GLI2: variants seen among roughly 807,000 people sequenced by gnomAD.
The protein encoded by GLI2 is transcription activator GLI2.
GLI2 carries 22 observed loss-of-function variants against 78.9 expected under a neutral mutation model. The observed-to-expected ratio is 0.28, with a 90% confidence interval of 0.20 to 0.40. The LOEUF is 0.40. Ranked by LOEUF, GLI2 falls within the 10% of genes least tolerant of loss-of-function variation. GLI2 has a pLI of 1.00. For missense variants in GLI2, 2,097 were observed against 2,213.2 expected, an observed-to-expected ratio of 0.95 and a Z score of 1.05; for synonymous variants, 974 against 963.7, an observed-to-expected ratio of 1.01 and a Z score of -0.20.
At chr2:120,964,668 G>A (rs1351363381) in intron 5 of GLI2, among the ~76,000 whole-genome samples, 2 of 152,260 alleles carry the variant, frequency 1.3e-5, no homozygotes, top group African/African-American at 2.4e-5. Flanking sequence ...CAGGCACAGG[G>A]CAGGAGTGTG....
chr2:120,767,516 A>G (rs1683399798), intron 1 of GLI2, among the ~76,000 whole-genome samples: 1 of 152,224 alleles, frequency 6.6e-6, no homozygotes, highest in African/African-American at 2.4e-5. Flanking sequence ...ATTAAGTCGC[A>G]TCTCCATCAG....
intron 2 of GLI2, among the ~76,000 whole-genome samples, chr2:120,892,848 G>T (rs1324479512): frequency 1.3e-5 from 2 of 152,182 alleles, no homozygotes; most frequent in African/African-American, 4.8e-5. Context: ...TCTTCCTGAT[G>T]TCCTCAGCTG....
rs546126664 is a variant in GLI2 at position 120,858,536 on chromosome 2, C to T, written c.148+61068C>T. Among the ~76,000 whole-genome samples, 34 of 152,300 alleles carry T rather than the reference C, an allele frequency of 2.2e-4. No homozygotes were observed. In the East Asian group the frequency reaches 5.4e-3, roughly 24 times the overall value. ...TGTCCTGTCTCATCCTCTTGGCCAC[C>T]GGCCTGCTAGTCCCCTGGGCAGGAT... is the stretch of plus-strand genomic sequence containing the variant. On this transcript the variant is annotated intron_variant, in intron 2 of 13. Transcript: ENST00000361492.
chr2:120,885,324 G>T (rs6719663), intron 2 of GLI2, among the ~76,000 whole-genome samples: 2,500 of 152,328 alleles, frequency 0.016, 74 homozygotes, highest in African/African-American at 0.057. Flanking sequence ...GAGTGAAGCT[G>T]CAGCTACATT....
At chr2:120,872,436 C>G (rs186727794) in intron 2 of GLI2, among the ~76,000 whole-genome samples, 1 of 152,202 alleles carries the variant, frequency 6.6e-6, no homozygotes, top group African/African-American at 2.4e-5. Context: ...GGGGTGGACA[C>G]AGGGGCTGCA....
At chr2:120,782,040 C>T (rs971621743) in intron 1 of GLI2, among the ~76,000 whole-genome samples, 14 of 152,136 alleles carry the variant, frequency 9.2e-5, no homozygotes, top group African/African-American at 2.7e-4. Context: ...TTTTCACTTA[C>T]GTGTGATCTT....
At chr2:120,914,098 G>T (rs1348438908) in intron 2 of GLI2, among the ~76,000 whole-genome samples, 2 of 152,264 alleles carry the variant, frequency 1.3e-5, no homozygotes, top group African/African-American at 4.8e-5. Context: ...GAATGGCATG[G>T]TCATCCTCCT....
rs267598854 is a variant in GLI2, at chr2:120,975,010, G to C, written c.1218G>C (p.Arg406Ser). ...CTGACCTCAAGGAAGATCTGGACAG[G>C]GATGACTGTAAGCAGGAGGCTGAGG... ...QLADLKEDLDRDDCKQEAEVV... is the reference protein window; with the variant it reads ...QLADLKEDLDSDDCKQEAEVV... The change falls in exon 9 of 14, where the codon AGG becomes AGC. Residue 406 changes from arginine to serine, a missense_variant. Physicochemically the swap from Arg to Ser is moderately radical, Grantham distance 110 (BLOSUM62 -1). Transcript: ENST00000361492. 1 of 1,614,144 alleles carries C rather than the reference G, an allele frequency of 6.2e-7. No individual in the cohort carries two copies. Among genetic ancestry groups the C allele is most frequent in the Non-Finnish European group, 8.5e-7 (1 of 1,180,010 alleles).
intron 1 of GLI2, among the ~76,000 whole-genome samples, chr2:120,761,624 G>A (rs1683215724): frequency 6.6e-6 from 1 of 152,164 alleles, no homozygotes; most frequent in Non-Finnish European, 1.5e-5. Flanking sequence ...TGGGGGGTCG[G>A]GGGTTGGGAG....
rs574652470 is a variant in GLI2 at position 120,989,574 on chromosome 2, C to A, written c.3609C>A (p.Asn1203Lys). 9.3e-6 allele frequency: 15 copies of A among 1,613,266 alleles called. 1 individual carries two copies. The East Asian group carries it at 2.9e-4, about 31-fold the overall frequency. ...CCTCCCAGGGCATCCCCAGGGTAAACTACATGCAGCAGCTGCGACAGCCAG... is the reference window on the plus strand; with the variant it reads ...CCTCCCAGGGCATCCCCAGGGTAAAATACATGCAGCAGCTGCGACAGCCAG... The part of the protein sequence containing the change: ...GAPSQGIPRV[N>K]YMQQLRQPVA... Residue 1203 changes from asparagine (N) to lysine (K), a missense_variant, in exon 14 of 14, where the codon AAC becomes AAA. Transcript: ENST00000361492.
chr2:120,852,288 G>A (rs1173473802), intron 2 of GLI2, among the ~76,000 whole-genome samples: 1 of 152,204 alleles, frequency 6.6e-6, no homozygotes, highest in African/African-American at 2.4e-5. Flanking sequence ...AGAGACGGAT[G>A]GGCAGAGAGT....
chr2:120,748,865 A>G (rs1168500189), intron 1 of GLI2, among the ~76,000 whole-genome samples: 1 of 151,742 alleles, frequency 6.6e-6, no homozygotes, highest in Non-Finnish European at 1.5e-5. Context: ...CCATCCATCC[A>G]TCCATCCATC....
At chr2:120,855,659 A>G (rs1687611581) in intron 2 of GLI2, among the ~76,000 whole-genome samples, 1 of 152,212 alleles carries the variant, frequency 6.6e-6, no homozygotes, top group South Asian at 2.1e-4. Flanking sequence ...CACTTTTCTT[A>G]GGGTTCCAGG....
chr2:120,987,977 T>C (rs570073954), intron 13 of GLI2, among the ~76,000 whole-genome samples: 50 of 152,312 alleles, frequency 3.3e-4, no homozygotes, highest in African/African-American at 1.2e-3. Context: ...ACGTATGCCC[T>C]AGCTACTCCA....
Position 120,984,468 on chromosome 2 carries a change from C to T in GLI2, c.1633-3C>T, listed in dbSNP as rs1279138351. On this transcript the variant is annotated splice_region_variant and splice_polypyrimidine_tract_variant and intron_variant, in intron 11 of 13. Transcript: ENST00000361492. ...CATGACACAGGCCTGCTTCTCTCCC[C>T]AGAAACCCTACATCTGCAAGATCCC... is the stretch of plus-strand genomic sequence containing the variant. 6.2e-7 allele frequency: 1 copy of T among 1,614,024 alleles called. No homozygotes were observed. Among genetic ancestry groups the T allele is most frequent in the African/African-American group, 1.3e-5 (1 of 74,926 alleles).
chr2:120,978,403 T>C (rs760632880), intron 9 of GLI2, 31 bp from the exon 10 acceptor site: 2 of 1,613,850 alleles, frequency 1.2e-6, no homozygotes, highest in South Asian at 2.2e-5. Flanking sequence ...CTGGCCCTGC[T>C]TACCCTCTTC....
rs189424794 is a variant in GLI2 at position 120,910,144 on chromosome 2, C to G, written c.149-17217C>G. Among the ~76,000 whole-genome samples, 336 of 152,266 alleles carry G rather than the reference C, an allele frequency of 2.2e-3. 2 individuals carry two copies. The highest frequency in any genetic ancestry group is 3.9e-3 in the Non-Finnish European group (268 of 68,036). On this transcript the variant is annotated intron_variant, in intron 2 of 13. Transcript: ENST00000361492. Reference sequence around the variant, plus strand: ...GCTGTCATGTCCCAACCTTGATCCCCCTGGGGCATCTGGTCCACCCCTGCC... The same window carrying G: ...GCTGTCATGTCCCAACCTTGATCCCGCTGGGGCATCTGGTCCACCCCTGCC...
At chr2:120,855,253 G>A (rs533422926) in intron 2 of GLI2, among the ~76,000 whole-genome samples, 11 of 152,178 alleles carry the variant, frequency 7.2e-5, no homozygotes, top group African/African-American at 1.4e-4. Flanking sequence ...AGGGCTTTCC[G>A]GCTGCACGCT....
chr2:120,910,632 C>T (rs751623932), intron 2 of GLI2, among the ~76,000 whole-genome samples: 2 of 152,242 alleles, frequency 1.3e-5, no homozygotes, highest in Non-Finnish European at 2.9e-5. Context: ...CAGCATCCCA[C>T]ACGTGTTGCA....
Sources: gnomAD v4.1 joint callset for allele counts (sites outside exome capture counted in the v4.1 genomes callset) on GRCh38, gnomAD v4.1.1 for gene constraint, MANE v1.5 for transcripts, NCBI Gene and HGNC (gene_info 2026-07-23, HGNC 2026-07-21) for gene names.